SLC27A1: variants seen among roughly 807,000 people sequenced by gnomAD.
SLC27A1 encodes the protein long-chain fatty acid transport protein 1.
A neutral mutation model predicts 62.2 loss-of-function variants in SLC27A1; 61 were observed. The ratio of observed to expected loss-of-function variants is 0.98; its 90% CI spans 0.80 to 1.21. SLC27A1 has a LOEUF of 1.21. Ranked by LOEUF, SLC27A1 falls within the 50% of genes most tolerant of loss-of-function variation. The pLI, the probability that SLC27A1 is intolerant of heterozygous loss-of-function variation, is 0.00. For synonymous variants in SLC27A1, 435 were observed against 408.6 expected (o/e 1.06, Z -0.78); for missense variants, 903 against 932.1 (o/e 0.97, Z 0.41).
chr19:17,470,430 CGAGGCCTGGGGGCGCGGCTCGCTGTA>C, upstream of SLC27A1: 7 of 1,277,042 alleles, frequency 5.5e-6, no homozygotes, highest in South Asian at 1.8e-5. Flanking sequence ...GGCGCAGAGC[CGAGGCCTGGGGGCGCGGCTCGCTGTA>C]GAGGCGGGGG....
At chr19:17,494,719 T>C (rs1348998615) in intron 6 of SLC27A1, among the ~76,000 whole-genome samples, 3 of 151,962 alleles carry the variant, frequency 2.0e-5, no homozygotes, top group African/African-American at 7.3e-5. Flanking sequence ...TCTTCCAGGC[T>C]GTTCTTTGTT....
At chr19:17,501,162 T>C in intron 10 of SLC27A1, 111 bp from the exon 11 acceptor site, 1 of 1,441,960 alleles carries the variant, frequency 6.9e-7, no homozygotes. Context: ...TCATCCCAGG[T>C]TGGGAGAGAC....
intron 1 of SLC27A1, among the ~76,000 whole-genome samples, chr19:17,485,191 C>CTTTTTTTTTTT (rs386388659): frequency 1.0e-4 from 11 of 104,994 alleles, no homozygotes; most frequent in Non-Finnish European, 1.5e-4. Flanking sequence ...TTTTTGTTTC[C>CTTTTTTTTTTT]TTTTTTTTTT....
chr19:17,490,731 T>G (rs1452872881), intron 6 of SLC27A1, among the ~76,000 whole-genome samples: 1 of 152,106 alleles, frequency 6.6e-6, no homozygotes, highest in African/African-American at 2.4e-5. Flanking sequence ...TTAGCCATAT[T>G]AAAGTGAAAA....
At chr19:17,496,517 G>C (rs1002161293) in intron 6 of SLC27A1, 1 of 152,520 alleles carries the variant, frequency 6.6e-6, no homozygotes. Flanking sequence ...CCTGGGAGTG[G>C]TCTGCCCAGG....
intron 1 of SLC27A1, among the ~76,000 whole-genome samples, chr19:17,479,476 A>G (rs2075155120): frequency 6.6e-6 from 1 of 152,188 alleles, no homozygotes; most frequent in Admixed American, 6.5e-5. Flanking sequence ...TCCATTGTAT[A>G]GGTCATCCCT....
intron 1 of SLC27A1, among the ~76,000 whole-genome samples, chr19:17,473,219 G>A (rs1399480212): frequency 6.6e-6 from 1 of 152,082 alleles, no homozygotes; most frequent in Admixed American, 6.6e-5. Context: ...CGCGCCCAGC[G>A]TGAACTGCTT....
Position 17,488,857 on chromosome 19 carries a change from C to A in SLC27A1, c.804C>A (p.Arg268=). 1 of 1,613,736 alleles carries A rather than the reference C, an allele frequency of 6.2e-7. No individual in the cohort carries two copies. The highest frequency in any genetic ancestry group is 1.1e-5 in the South Asian group (1 of 91,054). The part of the protein sequence containing the change: ...AAIVVHSRYY[R]MAAFGHHAYR... ...CCCCCTCCCCCTGCAGGTACTACCG[C>A]ATGGCAGCCTTCGGCCACCACGCCT... Residue 268 remains arginine, a synonymous_variant, in exon 5 of 12, where the codon CGC becomes CGA. Coordinates refer to ENST00000252595, the MANE Select transcript of SLC27A1 (RefSeq NM_198580.3).
chr19:17,490,105 T>C (rs1483166239), intron 6 of SLC27A1: 1 of 152,132 alleles, frequency 6.6e-6, no homozygotes, highest in East Asian at 1.9e-4. Context: ...TGGAGGGTCT[T>C]GGGAAAATTA....
At chr19:17,485,956 G>A (rs1004916571) in intron 1 of SLC27A1, among the ~76,000 whole-genome samples, 4 of 152,188 alleles carry the variant, frequency 2.6e-5, no homozygotes, top group African/African-American at 4.8e-5. Context: ...GCCTCTGCCC[G>A]TTATATCTAC....
In SLC27A1 at chr19:17,500,759, C is replaced by T. The variant is rs776965880; in HGVS notation, c.1519C>T (p.Arg507Cys). The change falls in exon 10 of 12, where the codon CGT becomes TGT. Residue 507 changes from arginine to cysteine, a missense_variant. By Grantham distance (180) the Arg-to-Cys change is radical. Transcript: ENST00000252595. ...GCTGGGCTACATGTACTTCCGGGAC[C>T]GTAGCGGGGACACCTTCCGCTGGCG... ...DELGYMYFRD[R>C]SGDTFRWRGE... 18 of 1,613,626 alleles carry T rather than the reference C, an allele frequency of 1.1e-5. No homozygotes were observed. Among genetic ancestry groups the T allele is most frequent in the Admixed American group, 8.4e-5 (5 of 59,858 alleles).
intron 1 of SLC27A1, chr19:17,484,104 A>G (rs1255903453): frequency 6.6e-6 from 1 of 152,288 alleles, no homozygotes; most frequent in African/African-American, 2.4e-5. Context: ...AACAGTGCCT[A>G]AAGCACAACA....
chr19:17,490,782 C>G (rs905398102), intron 6 of SLC27A1, among the ~76,000 whole-genome samples: 2 of 152,094 alleles, frequency 1.3e-5, no homozygotes, highest in Non-Finnish European at 2.9e-5. Context: ...AATCCCTGTA[C>G]TTCGGGAGGC....
At chr19:17,479,705 G>A (rs865957850) in intron 1 of SLC27A1, among the ~76,000 whole-genome samples, 3 of 151,994 alleles carry the variant, frequency 2.0e-5, no homozygotes, top group South Asian at 4.1e-4. Flanking sequence ...GTGCAGTGGT[G>A]CAATCTAGGC....
chr19:17,487,113 C>T (rs778137234), intron 2 of SLC27A1, 61 bp from the exon 3 acceptor site: 2 of 1,608,224 alleles, frequency 1.2e-6, no homozygotes, highest in Non-Finnish European at 1.7e-6. Flanking sequence ...GTTGGTGCAT[C>T]CCAGGCCTCG....
At chr19:17,476,221 T>C (rs890129443) in intron 1 of SLC27A1, among the ~76,000 whole-genome samples, 2 of 152,074 alleles carry the variant, frequency 1.3e-5, no homozygotes, top group Non-Finnish European at 2.9e-5. Flanking sequence ...AGGAAGCCCT[T>C]AGAGCAGAAT....
chr19:17,495,818 T>G (rs545163662), intron 6 of SLC27A1: 1 of 152,412 alleles, frequency 6.6e-6, no homozygotes, highest in African/African-American at 2.4e-5. Flanking sequence ...GCTCAGAGCA[T>G]GGCGGTGGTG....
Position 17,500,299 on chromosome 19 carries a change from AG to A in SLC27A1, c.1229del (p.Ser410ThrfsTer13), listed in dbSNP as rs1374215060. ...CCAGGTCGGCTCCTGTGGTTTCAAC[AG>A]CCGCATCCTGCCCCACGTGTACCCC... ...DGKVGSCGFN[S>X]RILPHVYPIR... On this transcript the variant is annotated frameshift_variant, in exon 8 of 12. Transcript: ENST00000252595. LOFTEE classifies it high-confidence loss of function. The A allele has an allele frequency of 6.2e-7, 1 of 1,614,072 alleles. No homozygotes were observed. Among genetic ancestry groups the A allele is most frequent in the Non-Finnish European group, 8.5e-7 (1 of 1,180,016 alleles).
At chr19:17,485,509 G>GT (rs981936016) in intron 1 of SLC27A1, among the ~76,000 whole-genome samples, 7 of 148,288 alleles carry the variant, frequency 4.7e-5, no homozygotes, top group African/African-American at 1.7e-4. Context: ...TTGTTTGTTT[G>GT]TTTGTTTGTT....
Sources: allele counts gnomAD v4.1 joint callset (sites outside exome capture counted in the v4.1 genomes callset), GRCh38; gene constraint gnomAD v4.1.1; transcripts MANE v1.5; gene names NCBI Gene and HGNC (gene_info 2026-07-23, HGNC 2026-07-21).